The following WSCD1 variants were observed in gnomAD, a reference collection of about 807,000 sequenced individuals.
The protein encoded by WSCD1 is sialate:O-sulfotransferase 1.
In WSCD1, 41 loss-of-function variants were observed where a neutral mutation model predicts 60.4. The observed-to-expected ratio is 0.68, with a 90% CI of 0.53 to 0.88. The LOEUF is 0.88. Ranked by LOEUF, WSCD1 falls within the 40% of genes least tolerant of loss-of-function variation. The pLI is 0.00. For synonymous variants in WSCD1, 361 were observed against 332.5 expected, an observed-to-expected ratio of 1.09 and a Z score of -0.93; for missense variants, 784 against 796.2, an observed-to-expected ratio of 0.98 and a Z score of 0.18.
At chr17:6,087,938 TG>T in intron 2 of WSCD1, 51 bp from the exon 3 acceptor site, 1 of 1,455,030 alleles carries the variant, frequency 6.9e-7, no homozygotes, top group Non-Finnish European at 9.6e-7. Context: ...TTCCTAAGGG[TG>T]GGCCCATGAT....
At position 6,105,452 on chromosome 17, in the gene WSCD1, A is replaced by G. The variant is rs146410430; in HGVS notation, c.850-4155A>G. Among the ~76,000 whole-genome samples, 601 of 152,214 alleles carry G rather than the reference A, an allele frequency of 3.9e-3. 1 individual carries two copies. Among genetic ancestry groups the G allele is most frequent in the African/African-American group, 0.013 (543 of 41,510 alleles). On this transcript the variant is annotated intron_variant, in intron 5 of 8. Coordinates refer to ENST00000317744, the MANE Select transcript of WSCD1 (RefSeq NM_015253.2). The stretch of plus-strand genomic sequence containing the variant: ...ACTGAAGCATAGGGTAGGGTGCGAG[A>G]AGCAGGGAAGTTGGCAGAGAGATAA...
rs932883948 is a variant in WSCD1, at chr17:6,110,057, A to T, written c.1009+291A>T. ...GAACAGAGAGGGGCAGGTCCTAGAG[A>T]GATAGCAACAGAAAGGTGGTAGGAT... On this transcript the variant is annotated intron_variant, in intron 6 of 8. Coordinates refer to ENST00000317744, the MANE Select transcript of WSCD1 (RefSeq NM_015253.2). The surrounding 1 kb of genome is among the most constrained non-coding windows in gnomAD (Gnocchi z 4.8). Among the ~76,000 whole-genome samples, 1 of 152,058 alleles carries T rather than the reference A, an allele frequency of 6.6e-6. No homozygotes were observed. The highest frequency in any genetic ancestry group is 2.4e-5 in the African/African-American group (1 of 41,384).
intron 8 of WSCD1, 46 bp from the exon 9 acceptor site, chr17:6,120,263 G>A (rs1904583883): frequency 5.1e-6 from 8 of 1,576,980 alleles, no homozygotes; most frequent in Admixed American, 3.4e-5. Flanking sequence ...CGGCAGCCCT[G>A]GCAGGGCCAG....
intron 5 of WSCD1, among the ~76,000 whole-genome samples, chr17:6,104,062 G>A (rs187039937): frequency 1.3e-5 from 2 of 152,110 alleles, no homozygotes; most frequent in Non-Finnish European, 1.5e-5. Context: ...ATCTGCTTCC[G>A]GTGAGGCCTC....
chr17:6,074,162 T>C (rs1908707126), intron 1 of WSCD1, among the ~76,000 whole-genome samples: 1 of 152,264 alleles, frequency 6.6e-6, no homozygotes, highest in Admixed American at 6.5e-5. Flanking sequence ...TGACCTATTA[T>C]GTTTTATACC....
chr17:6,114,366 T>C (rs1911583137), intron 7 of WSCD1, among the ~76,000 whole-genome samples: 1 of 151,884 alleles, frequency 6.6e-6, no homozygotes, highest in South Asian at 2.1e-4. Context: ...GAGGGCAGGA[T>C]AGGGAGATGT....
intron 7 of WSCD1, among the ~76,000 whole-genome samples, chr17:6,113,877 TATACTC>T (rs1272095439): frequency 1.3e-5 from 2 of 152,130 alleles, no homozygotes; most frequent in East Asian, 3.9e-4. Flanking sequence ...AGGGAACTCT[TATACTC>T]TATTGGTGGG....
intron 4 of WSCD1, among the ~76,000 whole-genome samples, chr17:6,092,713 G>A (rs904391880): frequency 6.6e-6 from 1 of 152,028 alleles, no homozygotes; most frequent in African/African-American, 2.4e-5. Context: ...GACTCCCGGC[G>A]GCCCTCCCAG....
chr17:6,081,001 C>T lies in WSCD1; in HGVS notation c.343C>T (p.Arg115Cys), dbSNP rs758270113. ...CTCGGAGCTGCGTCAGTTGCGTCGC[C>T]GCTGGTTCCACCACTTCATGAGTGA... ...RNSELRQLRR[R>C]WFHHFMSDSQ... Residue 115 changes from arginine (R) to cysteine (C), a missense_variant, in exon 2 of 9, where the codon CGC becomes TGC. Coordinates refer to ENST00000317744, the MANE Select transcript of WSCD1 (RefSeq NM_015253.2). The T allele has an allele frequency of 8.4e-6, 13 of 1,545,334 alleles. No individual in the cohort carries two copies. The highest frequency in any genetic ancestry group is 6.8e-5 in the African/African-American group (5 of 73,276).
intron 5 of WSCD1, among the ~76,000 whole-genome samples, chr17:6,104,836 G>C (rs1910997755): frequency 6.6e-6 from 1 of 152,194 alleles, no homozygotes; most frequent in South Asian, 2.1e-4. Context: ...CCAGAAGGCT[G>C]GCTCCTTTTC....
intron 2 of WSCD1, among the ~76,000 whole-genome samples, chr17:6,084,541 C>G (rs887651636): frequency 2.6e-5 from 4 of 152,216 alleles, no homozygotes; most frequent in Non-Finnish European, 4.4e-5. Context: ...CAGGAGGCTC[C>G]ATCAATCACT....
At chr17:6,081,732 G>T in intron 2 of WSCD1, 1 of 151,974 alleles carries the variant, frequency 6.6e-6, no homozygotes. Flanking sequence ...AAAATTAGAC[G>T]TGTCACTTAA....
chr17:6,096,551 C>T (rs62053890), intron 5 of WSCD1, among the ~76,000 whole-genome samples: 9,244 of 152,252 alleles, frequency 0.061, 431 homozygotes, highest in Non-Finnish European at 0.092. Context: ...TCCTGCGTCA[C>T]CAGCATTTCC....
At chr17:6,070,842 G>C (rs1338136158) in intron 1 of WSCD1, among the ~76,000 whole-genome samples, 190 bp downstream of exon 1, 1 of 151,448 alleles carries the variant, frequency 6.6e-6, no homozygotes, top group Non-Finnish European at 1.5e-5. Flanking sequence ...GCCGGGGCAG[G>C]GGAGAGTGAG....
At chr17:6,092,244 C>A (rs1413817073) in intron 4 of WSCD1, among the ~76,000 whole-genome samples, 2 of 151,614 alleles carry the variant, frequency 1.3e-5, no homozygotes, top group African/African-American at 2.4e-5. Context: ...TTCCAAGCAG[C>A]ACAGAAGCCG....
At position 6,109,677 on chromosome 17, in the gene WSCD1, G is replaced by A. The variant is rs141696692; in HGVS notation, c.920G>A (p.Arg307Gln). The A allele has an allele frequency of 1.1e-5, 17 of 1,614,054 alleles. No individual in the cohort carries two copies. Among genetic ancestry groups the A allele is most frequent in the Middle Eastern group, 1.6e-4 (1 of 6,084 alleles). Residue 307 changes from arginine (R) to glutamine (Q), a missense_variant, in exon 6 of 9, where the codon CGG becomes CAG. Transcript: ENST00000317744. ...TACCCTACCCCCCGGTTCAACCTGCGGGATGCCATGGACAGCTCAGTATGT... is the reference window on the plus strand; with the variant it reads ...TACCCTACCCCCCGGTTCAACCTGCAGGATGCCATGGACAGCTCAGTATGT... ...CAYPTPRFNL[R>Q]DAMDSSVCGQ...
At chr17:6,081,108 G>A in intron 2 of WSCD1, 23 bp downstream of exon 2, 1 of 1,523,194 alleles carries the variant, frequency 6.6e-7, no homozygotes, top group Non-Finnish European at 8.8e-7. Flanking sequence ...CTGCATTTGG[G>A]GGAGCTGTTC....
intron 2 of WSCD1, 41 bp downstream of exon 2, chr17:6,081,126 C>G (rs1429563966): frequency 6.7e-7 from 1 of 1,500,646 alleles, no homozygotes; most frequent in Non-Finnish European, 8.9e-7. Context: ...TTCCCAGGAC[C>G]CCCCATTCAG....
intron 3 of WSCD1, among the ~76,000 whole-genome samples, chr17:6,089,116 G>T (rs1909857396): frequency 6.6e-6 from 1 of 152,196 alleles, no homozygotes; most frequent in South Asian, 2.1e-4. Flanking sequence ...TCTTTCCATA[G>T]TCAGCCAGGT....
Sources: gnomAD v4.1 joint callset for allele counts (sites outside exome capture counted in the v4.1 genomes callset) on GRCh38, gnomAD v4.1.1 for gene constraint, Gnocchi (gnomAD v3.1) non-coding constraint, MANE v1.5 for transcripts, NCBI Gene and HGNC (gene_info 2026-07-23, HGNC 2026-07-21) for gene names.